Variants in EIF3E observed in about 807,000 individuals in gnomAD.
The protein encoded by EIF3E is eIF-3 p48.
In EIF3E, 25 loss-of-function variants were observed where a neutral mutation model predicts 59.3. The observed-to-expected ratio is 0.42, with a 90% CI of 0.31 to 0.59. The LOEUF (loss-of-function observed/expected upper bound fraction) is 0.59. EIF3E is among the 20% of genes least tolerant of loss of function. The pLI is 0.15. For synonymous variants in EIF3E, 176 were observed against 170.2 expected (o/e 1.03, Z -0.26); for missense variants, 317 against 534.3 (o/e 0.59, Z 4.01).
At chr8:108,210,005 C>G (rs1047744246) in intron 10 of EIF3E, among the ~76,000 whole-genome samples, 8 of 151,048 alleles carry the variant, frequency 5.3e-5, no homozygotes, top group Non-Finnish European at 1.0e-4. Context: ...TCATTTCTTA[C>G]AACTGATACA....
chr8:108,219,775 A>G (rs1029931540), intron 7 of EIF3E, among the ~76,000 whole-genome samples: 1 of 152,002 alleles, frequency 6.6e-6, no homozygotes, highest in East Asian at 1.9e-4. Flanking sequence ...CGAGGCTGCA[A>G]TAAGCCGTTA....
At position 108,235,155 on chromosome 8, in the gene EIF3E, C is replaced by T. The variant is rs557435957; in HGVS notation, c.367-53G>A. 166 of 1,144,688 alleles carry T rather than the reference C, an allele frequency of 1.5e-4. 1 individual carries two copies. The African/African-American group carries it at 2.4e-3, about 16-fold the overall frequency. 70.9% of individuals were successfully genotyped at this position (1,144,688 alleles called of 1,614,324 possible). A position where few individuals can be genotyped will look rare whatever the true frequency, so the allele number is the denominator to read the frequency against. ...CTCTTTAATTTAGAGTTTTAAAACC[C>T]CATTGTAATTCATAAGTCTTTGAGG... On this transcript the variant is annotated intron_variant, in intron 4 of 12. Transcript: ENST00000220849.
chr8:108,246,211 C>A (rs1815944952), intron 1 of EIF3E, among the ~76,000 whole-genome samples: 1 of 146,084 alleles, frequency 6.8e-6, no homozygotes, highest in East Asian at 2.1e-4. Context: ...TTGCTAATTT[C>A]TGGAATTTTC....
chr8:108,242,051 G>A, intron 1 of EIF3E, 138 bp from the exon 2 acceptor site: 1 of 1,269,692 alleles, frequency 7.9e-7, no homozygotes, highest in Non-Finnish European at 1.1e-6. Flanking sequence ...TTCCCCTCTT[G>A]TAATAATGGC....
intron 7 of EIF3E, chr8:108,221,701 G>A (rs1332251521): frequency 6.6e-6 from 1 of 152,026 alleles, no homozygotes; most frequent in Non-Finnish European, 1.5e-5. Flanking sequence ...TGGATTTGTA[G>A]TAAACTGAGA....
chr8:108,231,338 C>T (rs1815617520), intron 5 of EIF3E, among the ~76,000 whole-genome samples: 1 of 151,992 alleles, frequency 6.6e-6, no homozygotes, highest in Non-Finnish European at 1.5e-5. Context: ...ATATGCAAAA[C>T]TATGCTTGAA....
In EIF3E at chr8:108,216,556, T is replaced by C. The variant is rs776840390; in HGVS notation, c.850-43A>G. The C allele has an allele frequency of 6.5e-6, 9 of 1,375,824 alleles. No individual in the cohort carries two copies. The Admixed American group carries it at 9.4e-5, about 14-fold the overall frequency. 85.2% of individuals were successfully genotyped at this position (1,375,824 alleles called of 1,614,324 possible). A position where few individuals can be genotyped will look rare whatever the true frequency, so the allele number is the denominator to read the frequency against. Reference sequence around the variant, plus strand: ...CGGTCAAGGTAAGTCTGATTCAACATTGTTTAGCAGATTGCCCCAGAATAT... The same window carrying C: ...CGGTCAAGGTAAGTCTGATTCAACACTGTTTAGCAGATTGCCCCAGAATAT... On this transcript the variant is annotated intron_variant, in intron 8 of 12. Coordinates refer to ENST00000220849, the MANE Select transcript of EIF3E (RefSeq NM_001568.3).
chr8:108,243,926 G>GTC, intron 1 of EIF3E, among the ~76,000 whole-genome samples: 1 of 152,166 alleles, frequency 6.6e-6, no homozygotes, highest in South Asian at 2.1e-4. Context: ...AATTTGCCAC[G>GTC]TCTCTCTCCA....
chr8:108,232,308 C>T (rs1471332510), intron 5 of EIF3E, among the ~76,000 whole-genome samples: 4 of 152,076 alleles, frequency 2.6e-5, no homozygotes, highest in Admixed American at 6.6e-5. Flanking sequence ...AATTTTAAAA[C>T]GAATTGAATG....
At chr8:108,243,660 A>AT (rs1225440432) in intron 1 of EIF3E, among the ~76,000 whole-genome samples, 9 of 149,652 alleles carry the variant, frequency 6.0e-5, no homozygotes, top group Middle Eastern at 7.0e-3. Context: ...AAAAAAAAAA[A>AT]GGATGTCTGT....
In EIF3E at chr8:108,211,104, A is replaced by G. The variant is rs569095697; in HGVS notation, c.1061+3503T>C. Reference sequence around the variant, plus strand: ...CAGCATGATTTATTATCCTTTGGGTATATGTCCAGTAATGGGATGGCTGGG... The same window carrying G: ...CAGCATGATTTATTATCCTTTGGGTGTATGTCCAGTAATGGGATGGCTGGG... On this transcript the variant is annotated intron_variant, in intron 10 of 12. Transcript: ENST00000220849. Among the ~76,000 whole-genome samples, 17 of 152,314 alleles carry G rather than the reference A, an allele frequency of 1.1e-4. No homozygotes were observed. In the South Asian group the frequency reaches 1.2e-3, roughly 11 times the overall value.
chr8:108,231,150 A>C (rs527688989), intron 5 of EIF3E, among the ~76,000 whole-genome samples: 1 of 152,296 alleles, frequency 6.6e-6, no homozygotes, highest in East Asian at 1.9e-4. Context: ...GGTTTATCAA[A>C]ATCCATAAAA....
chr8:108,219,983 A>G (rs1815377517), intron 7 of EIF3E, among the ~76,000 whole-genome samples: 1 of 152,092 alleles, frequency 6.6e-6, no homozygotes, highest in Admixed American at 6.5e-5. Flanking sequence ...TCTCTACTAA[A>G]AATACAAAAA....
intron 10 of EIF3E, among the ~76,000 whole-genome samples, chr8:108,205,813 G>C (rs1815091310): frequency 1.3e-5 from 2 of 152,176 alleles, no homozygotes; most frequent in South Asian, 4.1e-4. Context: ...CAAAGTACAA[G>C]AGTAGTGATG....
At chr8:108,242,776 C>A in intron 1 of EIF3E, 1 of 556,206 alleles carries the variant, frequency 1.8e-6, no homozygotes. Context: ...AACCAAATGG[C>A]CAACAGACAC....
chr8:108,202,061 A>C, intron 12 of EIF3E, 138 bp from the exon 13 acceptor site: 1 of 665,812 alleles, frequency 1.5e-6, no homozygotes, highest in Non-Finnish European at 2.3e-6. Flanking sequence ...AACTCCTGCA[A>C]TTACTAGATG....
At chr8:108,226,868 A>C (rs1815525304) in intron 7 of EIF3E, among the ~76,000 whole-genome samples, 1 of 152,246 alleles carries the variant, frequency 6.6e-6, no homozygotes, top group African/African-American at 2.4e-5. Context: ...AGGGTATTTC[A>C]GATTTTGGAG....
intron 6 of EIF3E, among the ~76,000 whole-genome samples, chr8:108,228,823 G>A (rs771872397): frequency 3.3e-5 from 5 of 152,060 alleles, no homozygotes; most frequent in Non-Finnish European, 7.4e-5. Context: ...GAAAAAAAGG[G>A]CACAGTAGCT....
At chr8:108,240,859 A>C (rs775530780) in intron 2 of EIF3E, among the ~76,000 whole-genome samples, 22 of 152,160 alleles carry the variant, frequency 1.4e-4, no homozygotes, top group Non-Finnish European at 2.5e-4. Flanking sequence ...GGGCACCTGT[A>C]GTCCCAGCTA....
Sources: allele counts gnomAD v4.1 joint callset (sites outside exome capture counted in the v4.1 genomes callset), GRCh38; gene constraint gnomAD v4.1.1; transcripts MANE v1.5; gene names NCBI Gene and HGNC (gene_info 2026-07-23, HGNC 2026-07-21).